Variants in NPNT observed in about 807,000 individuals in gnomAD.
NPNT encodes the protein preosteoblast EGF-like repeat protein with MAM domain.
A neutral mutation model predicts 68.6 loss-of-function variants in NPNT; 45 were observed. That is an observed-to-expected ratio of 0.66 (90% CI 0.52 to 0.84). The LOEUF (loss-of-function observed/expected upper bound fraction) is 0.84. Ranked by LOEUF, NPNT falls within the 40% of genes least tolerant of loss-of-function variation. The pLI is 0.00. For missense variants in NPNT, 672 were observed against 714.8 expected (o/e 0.94, Z 0.68); for synonymous variants, 233 against 253.3 (o/e 0.92, Z 0.76).
intron 10 of NPNT, among the ~76,000 whole-genome samples, chr4:105,960,108 C>A (rs371614549): frequency 1.3e-5 from 2 of 152,266 alleles, no homozygotes; most frequent in South Asian, 4.1e-4. Context: ...CCGCGCCCAG[C>A]CAGAAGTTAA....
At chr4:105,910,198 G>C (rs1727249136) in intron 2 of NPNT, among the ~76,000 whole-genome samples, 2 of 152,124 alleles carry the variant, frequency 1.3e-5, no homozygotes, top group South Asian at 4.1e-4. Flanking sequence ...AGATAGTTTA[G>C]TTTCTCTGGT....
Position 105,911,946 on chromosome 4 carries a change from G to C in NPNT, c.172+13945G>C, listed in dbSNP as rs190737440. 2.2e-3 allele frequency: 1,017 copies of C among 464,216 alleles called. 1 individual carries two copies. Among genetic ancestry groups the C allele is most frequent in the Non-Finnish European group, 3.4e-3 (888 of 261,342 alleles). 28.8% of individuals were successfully genotyped at this position (464,216 alleles called of 1,614,324 possible). On this transcript the variant is annotated intron_variant, in intron 2 of 11. Transcript: ENST00000379987. ...ATTTAAATTTAGAATTTGGACTATAGAAGAATAGCATAACTTCAATTATTG... is the reference window on the plus strand; with the variant it reads ...ATTTAAATTTAGAATTTGGACTATACAAGAATAGCATAACTTCAATTATTG...
At chr4:105,959,809 C>A (rs1038870036) in intron 10 of NPNT, among the ~76,000 whole-genome samples, 11 of 131,544 alleles carry the variant, frequency 8.4e-5, no homozygotes, top group African/African-American at 3.1e-4. Flanking sequence ...GTAGTTAAAT[C>A]TTTTTTTTTT....
intron 3 of NPNT, chr4:105,932,517 T>A (rs1729193990): frequency 4.4e-6 from 3 of 687,472 alleles, no homozygotes; most frequent in Non-Finnish European, 7.5e-6. Flanking sequence ...CTCTACCAAC[T>A]GTATGTAATT....
intron 2 of NPNT, 188 bp downstream of exon 2, chr4:105,898,189 A>T: frequency 2.4e-6 from 1 of 418,424 alleles, no homozygotes; most frequent in South Asian, 8.4e-5. Context: ...CACCTGTATT[A>T]CGGCCCAGCT....
At chr4:105,905,678 G>C (rs995997069) in intron 2 of NPNT, among the ~76,000 whole-genome samples, 2 of 151,970 alleles carry the variant, frequency 1.3e-5, no homozygotes, top group Non-Finnish European at 1.5e-5. Context: ...GTACCTTTGA[G>C]TGGTTTTCAA....
Position 105,938,421 on chromosome 4 carries a change from G to C in NPNT, c.505+1G>C. The C allele has an allele frequency of 6.2e-7, 1 of 1,612,508 alleles. No individual in the cohort carries two copies. Among genetic ancestry groups the C allele is most frequent in the Non-Finnish European group, 8.5e-7 (1 of 1,179,406 alleles). On this transcript the variant is annotated splice_donor_variant, in intron 5 of 11. Transcript: ENST00000379987. LOFTEE classifies it high-confidence loss of function. ...GCTCCTGATGGGAGGACCTGTGTAGGTGAGTTGTAAAATCAAGCATCTCTG... is the reference window on the plus strand; with the variant it reads ...GCTCCTGATGGGAGGACCTGTGTAGCTGAGTTGTAAAATCAAGCATCTCTG...
intron 10 of NPNT, among the ~76,000 whole-genome samples, chr4:105,965,042 A>G (rs907201059): frequency 1.1e-4 from 16 of 152,210 alleles, no homozygotes; most frequent in African/African-American, 3.9e-4. Flanking sequence ...AAATACCTCT[A>G]GATTTTGTGA....
chr4:105,916,649 T>G (rs1046999867), intron 2 of NPNT, among the ~76,000 whole-genome samples: 3 of 152,212 alleles, frequency 2.0e-5, no homozygotes, highest in African/African-American at 7.2e-5. Context: ...GCAGGAAGTC[T>G]TCTGTACTTC....
rs1319067074 is a variant in NPNT, at chr4:105,969,184, A to AAT, written c.*196_*197dup. On this transcript the variant is annotated 3_prime_UTR_variant, in exon 12 of 12. Coordinates refer to ENST00000379987, the MANE Select transcript of NPNT (RefSeq NM_001033047.3). ...CAATGAACAGTGATACCCTCCTTGA[A>AAT]ATACAGGGGCATCGCAGACACATCA... 1 of 477,434 alleles carries AAT rather than the reference A, an allele frequency of 2.1e-6. No homozygotes were observed. The allele number at this position is 477,434 out of a possible 1,614,324, so 29.6% of individuals were successfully genotyped here.
intron 8 of NPNT, among the ~76,000 whole-genome samples, chr4:105,944,949 A>G (rs1376931343): frequency 6.6e-6 from 1 of 152,228 alleles, no homozygotes; most frequent in Non-Finnish European, 1.5e-5. Flanking sequence ...TTTCAGTTCA[A>G]CACCATTTCT....
chr4:105,902,592 A>G (rs917465494), intron 2 of NPNT: 2 of 152,200 alleles, frequency 1.3e-5, no homozygotes, highest in African/African-American at 2.4e-5. Context: ...AAAGCAAGGC[A>G]AGGAATAATT....
At chr4:105,946,452 C>A (rs1730391962) in intron 8 of NPNT, among the ~76,000 whole-genome samples, 1 of 152,108 alleles carries the variant, frequency 6.6e-6, no homozygotes, top group South Asian at 2.1e-4. Flanking sequence ...ATCAGGGGAA[C>A]CCGCCCCCAA....
chr4:105,927,279 C>T, intron 2 of NPNT, 57 bp from the exon 3 acceptor site: 2 of 1,052,450 alleles, frequency 1.9e-6, no homozygotes, highest in South Asian at 2.7e-5. Flanking sequence ...GACATCAATG[C>T]TATATGATTG....
At position 105,967,389 on chromosome 4, in the gene NPNT, G is replaced by T. The variant is rs780136006; in HGVS notation, c.1547G>T (p.Gly516Val). Residue 516 changes from glycine (G) to valine (V), a missense_variant, in exon 11 of 12, where the codon GGT becomes GTT. Coordinates refer to ENST00000379987, the MANE Select transcript of NPNT (RefSeq NM_001033047.3). The stretch of plus-strand genomic sequence containing the variant: ...GGAGCAGCCCTGTGGGGAAGAAATG[G>T]TGGCCATGGCTGGAGGCAAACACAG... ...AHGAALWGRN[G>V]GHGWRQTQIT... 1.9e-5 allele frequency: 31 copies of T among 1,605,904 alleles called. No homozygotes were observed. The Middle Eastern group carries it at 5.0e-4, about 26-fold the overall frequency.
chr4:105,915,511 T>G (rs997808695), intron 2 of NPNT, among the ~76,000 whole-genome samples: 1 of 152,278 alleles, frequency 6.6e-6, no homozygotes, highest in Admixed American at 6.5e-5. Context: ...CTAGTAGGAC[T>G]TTTTATGAGG....
intron 3 of NPNT, among the ~76,000 whole-genome samples, chr4:105,934,844 C>G (rs752162004): frequency 3.3e-5 from 5 of 152,080 alleles, no homozygotes; most frequent in Admixed American, 1.3e-4. Flanking sequence ...AGTGCTTTTG[C>G]CATGGGAACG....
At chr4:105,949,336 G>A (rs988889798) in intron 8 of NPNT, among the ~76,000 whole-genome samples, 1 of 152,164 alleles carries the variant, frequency 6.6e-6, no homozygotes, top group Non-Finnish European at 1.5e-5. Context: ...CTTTAGGTCA[G>A]GCTGGGCTAA....
At chr4:105,920,782 A>T (rs1222641100) in intron 2 of NPNT, among the ~76,000 whole-genome samples, 1 of 152,126 alleles carries the variant, frequency 6.6e-6, no homozygotes, top group Non-Finnish European at 1.5e-5. Context: ...CTCTTGGGAG[A>T]CAACATTATA....
Sources: gnomAD v4.1 joint callset for allele counts (sites outside exome capture counted in the v4.1 genomes callset) on GRCh38, gnomAD v4.1.1 for gene constraint, MANE v1.5 for transcripts, NCBI Gene and HGNC (gene_info 2026-07-23, HGNC 2026-07-21) for gene names.